The following SLCO6A1 variants were observed in gnomAD, a reference collection of about 807,000 sequenced individuals.
The protein encoded by SLCO6A1 is solute carrier organic anion transporter family member 6A1.
In SLCO6A1, 65 loss-of-function variants were observed where a neutral mutation model predicts 72.7. That is an observed-to-expected ratio of 0.89 (90% CI 0.73 to 1.10). The LOEUF (loss-of-function observed/expected upper bound fraction) is 1.10. Ranked by LOEUF, SLCO6A1 falls within the 50% of genes least tolerant of loss-of-function variation. The pLI, the probability that SLCO6A1 is intolerant of heterozygous loss-of-function variation, is 0.00. For synonymous variants in SLCO6A1, 314 were observed against 298.2 expected, an observed-to-expected ratio of 1.05 and a Z score of -0.55; for missense variants, 874 against 872.6, an observed-to-expected ratio of 1.00 and a Z score of -0.02.
chr5:102,469,438 T>G (rs1751485923), intron 4 of SLCO6A1, among the ~76,000 whole-genome samples: 1 of 152,144 alleles, frequency 6.6e-6, no homozygotes, highest in Admixed American at 6.6e-5. Flanking sequence ...TGAATTGGAG[T>G]TCACTCATGA....
intron 1 of SLCO6A1, 69 bp from the exon 2 acceptor site, chr5:102,480,503 G>A: frequency 2.8e-6 from 4 of 1,418,184 alleles, no homozygotes; most frequent in Non-Finnish European, 2.9e-6. Flanking sequence ...TTATTACAAA[G>A]CAAAATTTAA....
rs776662890 is a variant in SLCO6A1, at chr5:102,420,072, C to T, written c.1277-51G>A. 2.9e-6 allele frequency: 4 copies of T among 1,372,986 alleles called. No individual in the cohort carries two copies. In the Admixed American group the frequency reaches 8.7e-5, roughly 30 times the overall value. 85.1% of individuals were successfully genotyped at this position (1,372,986 alleles called of 1,614,324 possible). A position where few individuals can be genotyped will look rare whatever the true frequency, so the allele number is the denominator to read the frequency against. The stretch of plus-strand genomic sequence containing the variant: ...AGTTAAAAATAATCAGCTGATAGTA[C>T]AGATAATACATACATTGATACAATT... On this transcript the variant is annotated intron_variant, in intron 7 of 13. Coordinates refer to ENST00000506729, the MANE Select transcript of SLCO6A1 (RefSeq NM_173488.5).
intron 3 of SLCO6A1, among the ~76,000 whole-genome samples, chr5:102,477,472 G>A (rs1389296242): frequency 6.6e-6 from 1 of 151,980 alleles, no homozygotes; most frequent in African/African-American, 2.4e-5. Context: ...GTGACATTCA[G>A]GTGACTTGTC....
At chr5:102,485,921 C>T (rs537464710) in intron 1 of SLCO6A1, among the ~76,000 whole-genome samples, 2 of 152,130 alleles carry the variant, frequency 1.3e-5, no homozygotes, top group East Asian at 3.9e-4. Context: ...GATAAAAACT[C>T]TCTACAAGTG....
At chr5:102,442,876 A>G (rs1344826762) in intron 6 of SLCO6A1, among the ~76,000 whole-genome samples, 1 of 143,064 alleles carries the variant, frequency 7.0e-6, no homozygotes, top group Non-Finnish European at 1.6e-5. Context: ...AGCCTGGCCA[A>G]CATGGTGAAA....
Position 102,373,370 on chromosome 5 carries a change from T to C in SLCO6A1, c.2142A>G (p.Lys714=), listed in dbSNP as rs146381310. The change falls in exon 13 of 14, where the codon AAA becomes AAG. Residue 714 remains lysine (K), a synonymous_variant. Coordinates refer to ENST00000506729, the MANE Select transcript of SLCO6A1 (RefSeq NM_173488.5). The stretch of plus-strand genomic sequence containing the variant: ...GATCCAGTTACAAGTCAGTTTCTTC[T>C]TTTTTCTTAACTTTTGGATTCTTCA... ...VTVKNPKVKK[K]EETDL 1,847 of 1,564,338 alleles carry C rather than the reference T, an allele frequency of 1.2e-3. 1 individual carries two copies. The highest frequency in any genetic ancestry group is 1.5e-3 in the Non-Finnish European group (1,735 of 1,159,952).
intron 9 of SLCO6A1, among the ~76,000 whole-genome samples, chr5:102,403,914 C>T (rs1005593004): frequency 2.0e-5 from 3 of 151,836 alleles, no homozygotes; most frequent in African/African-American, 4.8e-5. Flanking sequence ...TACTTTTTAC[C>T]TATTTTTCTA....
intron 7 of SLCO6A1, among the ~76,000 whole-genome samples, chr5:102,422,180 A>G (rs958741273): frequency 6.6e-6 from 1 of 152,208 alleles, no homozygotes; most frequent in Non-Finnish European, 1.5e-5. Flanking sequence ...CCAGTGCAAA[A>G]AGGCTGAAAA....
intron 7 of SLCO6A1, among the ~76,000 whole-genome samples, chr5:102,421,685 C>T (rs867655946): frequency 1.1e-4 from 16 of 152,098 alleles, no homozygotes; most frequent in African/African-American, 2.2e-4. Flanking sequence ...GGGGTGGCTG[C>T]GGGTGCAGCT....
intron 9 of SLCO6A1, among the ~76,000 whole-genome samples, chr5:102,400,171 T>C: frequency 6.6e-6 from 1 of 152,002 alleles, no homozygotes. Context: ...AAAGACTTTA[T>C]TTTGTATGTA....
intron 10 of SLCO6A1, among the ~76,000 whole-genome samples, chr5:102,394,876 TATATC>T (rs1341451446): frequency 6.6e-6 from 1 of 151,922 alleles, no homozygotes; most frequent in Non-Finnish European, 1.5e-5. Flanking sequence ...TGGGAAAAAA[TATATC>T]AAGTTACAAC....
intron 4 of SLCO6A1, among the ~76,000 whole-genome samples, chr5:102,472,841 C>T (rs1181890775): frequency 2.0e-5 from 3 of 151,986 alleles, no homozygotes; most frequent in Non-Finnish European, 4.4e-5. Context: ...CAAGAAACTA[C>T]TATGAATAAT....
intron 10 of SLCO6A1, 130 bp from the exon 11 acceptor site, chr5:102,391,175 C>A (rs2112521289): frequency 1.2e-6 from 1 of 844,858 alleles, no homozygotes; most frequent in Admixed American, 2.2e-5. Flanking sequence ...AGCCAATTGA[C>A]AGAGTTTAAG....
intron 6 of SLCO6A1, among the ~76,000 whole-genome samples, chr5:102,441,821 T>C (rs1749850075): frequency 6.6e-6 from 1 of 151,858 alleles, no homozygotes; most frequent in Admixed American, 6.6e-5. Flanking sequence ...TTACTTTTAC[T>C]TTATTAGCTA....
At chr5:102,438,883 TA>T in intron 6 of SLCO6A1, 122 bp from the exon 7 acceptor site, 1 of 511,434 alleles carries the variant, frequency 2.0e-6, no homozygotes, top group South Asian at 3.9e-5. Context: ...ACTGAAAAGA[TA>T]ATTGATAGAT....
At chr5:102,373,199 T>C in intron 13 of SLCO6A1, 138 bp downstream of exon 13, 3 of 446,928 alleles carry the variant, frequency 6.7e-6, no homozygotes, top group Non-Finnish European at 9.8e-6. Context: ...ACTATATTAT[T>C]ATATTTGCAC....
chr5:102,465,345 A>G (rs1398636867), intron 4 of SLCO6A1, among the ~76,000 whole-genome samples: 1 of 152,032 alleles, frequency 6.6e-6, no homozygotes, highest in Non-Finnish European at 1.5e-5. Context: ...GGGATAACTC[A>G]TATCTTACAC....
intron 8 of SLCO6A1, among the ~76,000 whole-genome samples, chr5:102,415,831 A>G (rs943215364): frequency 6.6e-6 from 1 of 152,176 alleles, no homozygotes; most frequent in Non-Finnish European, 1.5e-5. Context: ...AATATCCAGA[A>G]TATACAAGGA....
chr5:102,455,225 C>A (rs1238143774), intron 6 of SLCO6A1, among the ~76,000 whole-genome samples: 3 of 151,646 alleles, frequency 2.0e-5, no homozygotes, highest in Admixed American at 1.3e-4. Flanking sequence ...GACCAAGTGG[C>A]TGGAATGTGG....
Sources: allele counts gnomAD v4.1 joint callset (sites outside exome capture counted in the v4.1 genomes callset), GRCh38; gene constraint gnomAD v4.1.1; transcripts MANE v1.5; gene names NCBI Gene and HGNC (gene_info 2026-07-23, HGNC 2026-07-21).